Variants in PARD3B observed in about 807,000 individuals in gnomAD.
PARD3B encodes the protein partitioning defective 3 homolog B.
Under a neutral mutation model 130.2 loss-of-function variants are expected in PARD3B, and 103 were observed. The observed-to-expected ratio is 0.79, with a 90% CI of 0.67 to 0.93. The LOEUF (loss-of-function observed/expected upper bound fraction) is 0.93. PARD3B is among the 40% of genes least tolerant of loss of function. The pLI, the probability that PARD3B is intolerant of heterozygous loss-of-function variation, is 0.00. For missense variants in PARD3B, 1,609 were observed against 1,499.2 expected, an observed-to-expected ratio of 1.07 and a Z score of -1.21; for synonymous variants, 583 against 553.2, an observed-to-expected ratio of 1.05 and a Z score of -0.76.
At chr2:205,118,819 T>C in intron 6 of PARD3B, 102 bp from the exon 7 acceptor site, 1 of 907,968 alleles carries the variant, frequency 1.1e-6, no homozygotes. Context: ...AAAATTTCTT[T>C]TGTAAATAGA....
At chr2:204,556,489 T>G (rs983717724) in intron 1 of PARD3B, among the ~76,000 whole-genome samples, 1 of 152,178 alleles carries the variant, frequency 6.6e-6, no homozygotes, top group Non-Finnish European at 1.5e-5. Context: ...AATAATGCCC[T>G]TTGAAAGAGA....
intron 3 of PARD3B, among the ~76,000 whole-genome samples, chr2:205,025,753 A>G (rs1575582390): frequency 6.6e-6 from 1 of 152,152 alleles, no homozygotes; most frequent in African/African-American, 2.4e-5. Context: ...CGGTTCTGAC[A>G]TCCAAGGCTG....
chr2:204,918,660 T>C (rs1464190924), intron 2 of PARD3B, among the ~76,000 whole-genome samples: 1 of 152,152 alleles, frequency 6.6e-6, no homozygotes, highest in Non-Finnish European at 1.5e-5. Context: ...AAATGCTTTT[T>C]TTACTTGCTT....
At chr2:205,391,794 C>T (rs1410755805) in intron 18 of PARD3B, among the ~76,000 whole-genome samples, 1 of 152,152 alleles carries the variant, frequency 6.6e-6, no homozygotes, top group Non-Finnish European at 1.5e-5. Context: ...CTTTATCTTT[C>T]TTGCCCACTC....
intron 21 of PARD3B, among the ~76,000 whole-genome samples, chr2:205,543,464 G>A (rs775531044): frequency 3.3e-5 from 5 of 152,026 alleles, no homozygotes; most frequent in Non-Finnish European, 5.9e-5. Context: ...ACGTCCCATC[G>A]CATCACCACC....
At chr2:204,580,142 A>G (rs2032476581) in intron 1 of PARD3B, among the ~76,000 whole-genome samples, 1 of 152,234 alleles carries the variant, frequency 6.6e-6, no homozygotes. Context: ...CATGGGAACC[A>G]GTAAGTATAG....
At chr2:205,067,095 C>CTT (rs10672449) in intron 4 of PARD3B, among the ~76,000 whole-genome samples, 1,184 of 59,320 alleles carry the variant, frequency 0.02, 161 homozygotes, top group Non-Finnish European at 0.024. Context: ...TTTTACTAGG[C>CTT]TTTTTTTTTT....
intron 18 of PARD3B, among the ~76,000 whole-genome samples, chr2:205,354,020 CTTTT>C: frequency 8.7e-6 from 1 of 114,576 alleles, no homozygotes; most frequent in African/African-American, 3.1e-5. Context: ...TTTTTCTTTT[CTTTT>C]CCTTTTTTTT....
At chr2:204,765,789 G>T (rs2125417945) in intron 2 of PARD3B, among the ~76,000 whole-genome samples, 1 of 152,274 alleles carries the variant, frequency 6.6e-6, no homozygotes, top group Admixed American at 6.5e-5. Context: ...CCTAGCACCT[G>T]TGGGCCTTGC....
intron 22 of PARD3B, among the ~76,000 whole-genome samples, chr2:205,611,345 C>T (rs1368581394): frequency 6.6e-6 from 1 of 152,162 alleles, no homozygotes; most frequent in Non-Finnish European, 1.5e-5. Flanking sequence ...GTCTTTCATC[C>T]TTGCGTAAAC....
chr2:204,824,691 A>G (rs567789363), intron 2 of PARD3B, among the ~76,000 whole-genome samples: 1 of 152,284 alleles, frequency 6.6e-6, no homozygotes, highest in South Asian at 2.1e-4. Context: ...GAATCTAGAC[A>G]TGCCATTTCC....
At chr2:205,041,918 A>G (rs1363864795) in intron 3 of PARD3B, among the ~76,000 whole-genome samples, 3 of 152,104 alleles carry the variant, frequency 2.0e-5, no homozygotes, top group Non-Finnish European at 4.4e-5. Context: ...CCCCAAACAT[A>G]TTATTAAATG....
At chr2:205,148,923 A>G (rs1399465655) in intron 10 of PARD3B, among the ~76,000 whole-genome samples, 1 of 152,138 alleles carries the variant, frequency 6.6e-6, no homozygotes, top group African/African-American at 2.4e-5. Context: ...AGGGCCATAA[A>G]AGGTTCAGCA....
At chr2:204,761,156 T>C (rs1416280190) in intron 2 of PARD3B, among the ~76,000 whole-genome samples, 3 of 152,214 alleles carry the variant, frequency 2.0e-5, no homozygotes, top group Admixed American at 2.0e-4. Context: ...CTAACTCCAA[T>C]GTCCACAATC....
At chr2:205,432,907 C>T (rs1055035330) in intron 19 of PARD3B, among the ~76,000 whole-genome samples, 4 of 152,100 alleles carry the variant, frequency 2.6e-5, no homozygotes, top group African/African-American at 7.2e-5. Flanking sequence ...TTGATGTTGA[C>T]AATACAAATC....
intron 18 of PARD3B, among the ~76,000 whole-genome samples, chr2:205,364,957 T>C (rs1319300857): frequency 6.6e-6 from 1 of 151,924 alleles, no homozygotes; most frequent in Non-Finnish European, 1.5e-5. Flanking sequence ...ATCCCAGCAC[T>C]TTGAGAGGCC....
chr2:204,985,249 A>G (rs1693035608), intron 3 of PARD3B, among the ~76,000 whole-genome samples: 1 of 151,686 alleles, frequency 6.6e-6, no homozygotes, highest in Non-Finnish European at 1.5e-5. Context: ...TCCTTGAACA[A>G]TTAAAGGAAT....
At chr2:204,632,065 GTGA>G (rs1391231109) in intron 1 of PARD3B, among the ~76,000 whole-genome samples, 1 of 152,070 alleles carries the variant, frequency 6.6e-6, no homozygotes, top group South Asian at 2.1e-4. Context: ...CTGTGGGGAG[GTGA>G]CTGGATCATG....
chr2:205,412,247 G>A (rs1212906013), intron 19 of PARD3B, among the ~76,000 whole-genome samples: 3 of 152,054 alleles, frequency 2.0e-5, no homozygotes, highest in African/African-American at 7.2e-5. Context: ...CCTTTTTCTG[G>A]TTTGTGTCCT....
Sources: gnomAD v4.1 joint callset for allele counts (sites outside exome capture counted in the v4.1 genomes callset) on GRCh38, gnomAD v4.1.1 for gene constraint, MANE v1.5 for transcripts, NCBI Gene and HGNC (gene_info 2026-07-23, HGNC 2026-07-21) for gene names.